Variants in RNF32 observed in about 807,000 individuals in gnomAD.
The protein encoded by RNF32 is ring finger protein 32.
A neutral mutation model predicts 41.0 loss-of-function variants in RNF32; 36 were observed. The observed-to-expected ratio is 0.88, with a 90% CI of 0.67 to 1.16. The LOEUF is 1.16. RNF32 is among the 50% of genes most tolerant of loss of function. The pLI is 0.00. For missense variants in RNF32, 413 were observed against 436.7 expected (o/e 0.95, Z 0.48); for synonymous variants, 154 against 160.9 (o/e 0.96, Z 0.32).
chr7:156,646,113 C>T (rs1452899348), intron 3 of RNF32, among the ~76,000 whole-genome samples: 1 of 152,190 alleles, frequency 6.6e-6, no homozygotes, highest in Non-Finnish European at 1.5e-5. Flanking sequence ...TAAAGGCATG[C>T]AAATCAATTC....
intron 7 of RNF32, chr7:156,659,170 G>C (rs112788820): frequency 8.3e-7 from 1 of 1,201,768 alleles, no homozygotes; most frequent in Admixed American, 4.3e-5. Context: ...TGTGGCTTCA[G>C]GCAAACAGCA....
chr7:156,658,987 T>C (rs1800179131), intron 7 of RNF32: 4 of 1,501,884 alleles, frequency 2.7e-6, no homozygotes, highest in Admixed American at 2.5e-5. Context: ...CCCCACATGC[T>C]ACCATTGTAT....
At chr7:156,645,609 C>CA (rs957444205) in intron 3 of RNF32, among the ~76,000 whole-genome samples, 2 of 152,190 alleles carry the variant, frequency 1.3e-5, no homozygotes, top group Admixed American at 1.3e-4. Flanking sequence ...ATCAGTGTGA[C>CA]AGAGAACCAG....
intron 3 of RNF32, chr7:156,646,333 T>G: frequency 1.9e-6 from 2 of 1,041,388 alleles, no homozygotes; most frequent in East Asian, 1.2e-4. Context: ...CTAACTTACC[T>G]TTCCCTGGTG....
chr7:156,652,083 A>G (rs1798817550), intron 3 of RNF32, among the ~76,000 whole-genome samples: 1 of 152,224 alleles, frequency 6.6e-6, no homozygotes, highest in Non-Finnish European at 1.5e-5. Flanking sequence ...CCCACACAGA[A>G]GCTCACATGT....
Position 156,676,874 on chromosome 7 carries a change from A to C in RNF32, c.*219A>C. The C allele has an allele frequency of 1.9e-6, 1 of 530,346 alleles. No homozygotes were observed. Among genetic ancestry groups the C allele is most frequent in the East Asian group, 3.2e-5 (1 of 30,828 alleles). 32.9% of individuals were successfully genotyped at this position (530,346 alleles called of 1,614,324 possible). A position where few individuals can be genotyped will look rare whatever the true frequency, so the allele number is the denominator to read the frequency against. On this transcript the variant is annotated 3_prime_UTR_variant, in exon 9 of 9. Transcript: ENST00000317955. ...AAGTAAATTTCAAATTTATGAGTTT[A>C]ATCACTTCAAATATGAATAGCAAAA... is the stretch of plus-strand genomic sequence containing the variant.
At chr7:156,655,605 G>A (rs1450331249) in intron 4 of RNF32, among the ~76,000 whole-genome samples, 1 of 152,196 alleles carries the variant, frequency 6.6e-6, no homozygotes, top group Non-Finnish European at 1.5e-5. Context: ...TTGAATTTGA[G>A]TAGGTTTCAT....
At chr7:156,676,193 TG>T in intron 8 of RNF32, 1 of 1,357,728 alleles carries the variant, frequency 7.4e-7, no homozygotes. Context: ...TTATCACAGG[TG>T]GGTTACTAAC....
At chr7:156,651,883 G>C (rs1174953707) in intron 3 of RNF32, among the ~76,000 whole-genome samples, 2 of 152,196 alleles carry the variant, frequency 1.3e-5, no homozygotes, top group Non-Finnish European at 2.9e-5. Flanking sequence ...TGGGGACGTT[G>C]CTTCTGGAAT....
chr7:156,667,252 T>G (rs1013989799), intron 7 of RNF32, among the ~76,000 whole-genome samples: 3 of 152,218 alleles, frequency 2.0e-5, no homozygotes, highest in African/African-American at 7.2e-5. Context: ...AGTCAACACA[T>G]TAGTAAGCAA....
At chr7:156,672,545 C>T (rs981062409) in intron 7 of RNF32, among the ~76,000 whole-genome samples, 9 of 152,180 alleles carry the variant, frequency 5.9e-5, no homozygotes, top group African/African-American at 2.2e-4. Flanking sequence ...GGAAAATGTA[C>T]TTTAAAAAGT....
chr7:156,654,738 G>T lies in RNF32; in HGVS notation c.417+20G>T, dbSNP rs747084190. The T allele has an allele frequency of 6.2e-7, 1 of 1,607,194 alleles. No homozygotes were observed. Among genetic ancestry groups the T allele is most frequent in the Non-Finnish European group, 8.5e-7 (1 of 1,174,218 alleles). ...CCTCAGGTGTTTAGCATACGAGGGT[G>T]AGCTAGAGAGCTCCTGGGCTGTTTC... On this transcript the variant is annotated intron_variant, in intron 4 of 8. Coordinates refer to ENST00000317955, the MANE Select transcript of RNF32 (RefSeq NM_030936.4).
intron 4 of RNF32, among the ~76,000 whole-genome samples, chr7:156,655,474 A>C (rs1230729140): frequency 3.9e-5 from 6 of 152,222 alleles, no homozygotes; most frequent in African/African-American, 1.4e-4. Context: ...CGCTTCCTGC[A>C]TAGCAGGCCC....
At chr7:156,660,128 C>G in intron 7 of RNF32, 5 of 985,814 alleles carry the variant, frequency 5.1e-6, no homozygotes, top group Non-Finnish European at 6.0e-6. Flanking sequence ...TCGGAACGCC[C>G]CGCTCTGATC....
Position 156,658,910 on chromosome 7 carries a change from T to C in RNF32, c.684+340T>C, listed in dbSNP as rs1455679547. On this transcript the variant is annotated intron_variant, in intron 7 of 8. Coordinates refer to ENST00000317955, the MANE Select transcript of RNF32 (RefSeq NM_030936.4). The stretch of plus-strand genomic sequence containing the variant: ...AATTTTTCCCATCTCCTGGGCTATA[T>C]GTAAATGAAGACATCTGCTGCACAT... 4 of 1,547,520 alleles carry C rather than the reference T, an allele frequency of 2.6e-6. No homozygotes were observed. In the African/African-American group the frequency reaches 4.1e-5, roughly 16 times the overall value.
rs1166459452 is a variant in RNF32 at position 156,670,402 on chromosome 7, A to G, written c.685-5294A>G. 6.6e-6 allele frequency among the ~76,000 whole-genome samples: 1 copy of G among 152,220 alleles called. No individual in the cohort carries two copies. Among genetic ancestry groups the G allele is most frequent in the African/African-American group, 2.4e-5 (1 of 41,460 alleles). On this transcript the variant is annotated intron_variant, in intron 7 of 8. Coordinates refer to ENST00000317955, the MANE Select transcript of RNF32 (RefSeq NM_030936.4). This position sits in a 1 kb window ranked among gnomAD's most constrained non-coding sequence, Gnocchi z 4.3. ...GGTCCAGGGAAGTGACTTGCCTAAG[A>G]GAGGATGTGGCGCAGGATGTCACTG...
At chr7:156,643,502 T>C (rs1001318560) in intron 1 of RNF32, among the ~76,000 whole-genome samples, 2 of 152,256 alleles carry the variant, frequency 1.3e-5, no homozygotes, top group Admixed American at 1.3e-4. Context: ...CCTGAAGTTT[T>C]GTAGTACTTA....
At chr7:156,675,537 T>C (rs1803696446) in intron 7 of RNF32, among the ~76,000 whole-genome samples, 159 bp from the exon 8 acceptor site, 1 of 152,220 alleles carries the variant, frequency 6.6e-6, no homozygotes, top group South Asian at 2.1e-4. Context: ...TCTGGATTTA[T>C]AGTTAAGTAA....
Position 156,643,798 on chromosome 7 carries a change from C to T in RNF32, c.-77-3C>T. On this transcript the variant is annotated splice_polypyrimidine_tract_variant and splice_region_variant and intron_variant, in intron 1 of 8. Transcript: ENST00000317955. Reference sequence around the variant, plus strand: ...TGACTTTCTGTTGACCACGTCTTTGCAGCAGAAGAATAGAAGGAAGGTGAT... The same window carrying T: ...TGACTTTCTGTTGACCACGTCTTTGTAGCAGAAGAATAGAAGGAAGGTGAT... The T allele has an allele frequency of 7.6e-7, 1 of 1,317,734 alleles. No individual in the cohort carries two copies. Among genetic ancestry groups the T allele is most frequent in the Non-Finnish European group, 1.1e-6 (1 of 914,608 alleles). 81.6% of individuals were successfully genotyped at this position (1,317,734 alleles called of 1,614,324 possible).
Sources: gnomAD v4.1 joint callset for allele counts (sites outside exome capture counted in the v4.1 genomes callset) on GRCh38, gnomAD v4.1.1 for gene constraint, Gnocchi (gnomAD v3.1) non-coding constraint, MANE v1.5 for transcripts, NCBI Gene and HGNC (gene_info 2026-07-23, HGNC 2026-07-21) for gene names.